Variants in FAF1 observed in about 807,000 individuals in gnomAD.
The protein encoded by FAF1 is FAS-associated factor 1.
Under a neutral mutation model 92.5 loss-of-function variants are expected in FAF1, and 25 were observed. The ratio of observed to expected loss-of-function variants is 0.27; its 90% confidence interval spans 0.20 to 0.38. The LOEUF is 0.38. Among genes scored for constraint, FAF1 ranks in the 10% least tolerant of loss-of-function variants. The probability of loss-of-function intolerance (pLI) is 1.00; values close to 1 mark genes in which losing one functional copy is unlikely to be tolerated. For synonymous variants in FAF1, 234 were observed against 273.2 expected (o/e 0.86, Z 1.42); for missense variants, 636 against 793.3 (o/e 0.80, Z 2.38).
intron 15 of FAF1, among the ~76,000 whole-genome samples, chr1:50,495,256 C>A (rs189845450): frequency 3.9e-5 from 6 of 152,314 alleles, no homozygotes; most frequent in Admixed American, 3.9e-4. Flanking sequence ...TTCCCCCACA[C>A]CCCACTGCCC....
At chr1:50,590,588 A>G (rs1240961071) in intron 9 of FAF1, among the ~76,000 whole-genome samples, 1 of 152,212 alleles carries the variant, frequency 6.6e-6, no homozygotes, top group Non-Finnish European at 1.5e-5. Flanking sequence ...TCCTCAGTGA[A>G]CAGAGATTAT....
intron 2 of FAF1, among the ~76,000 whole-genome samples, chr1:50,830,264 C>T (rs975398303): frequency 2.0e-5 from 3 of 152,106 alleles, no homozygotes; most frequent in Admixed American, 1.3e-4. Context: ...ACTACAGGCA[C>T]GTGCCACCAT....
intron 4 of FAF1, among the ~76,000 whole-genome samples, chr1:50,751,068 G>A (rs1425413856): frequency 7.4e-6 from 1 of 135,048 alleles, no homozygotes; most frequent in Non-Finnish European, 1.5e-5. Context: ...TGGATTATAA[G>A]CTGTTAAACA....
chr1:50,582,663 T>A lies in FAF1; in HGVS notation c.1068A>T (p.Ser356=), dbSNP rs1651045069. The change falls in exon 12 of 19, where the codon TCA becomes TCT. Residue 356 remains serine, a synonymous_variant. Transcript: ENST00000396153. ...GDCHPVFFIG[S]LEAAFQEAFY... ...AGGCCTCTTGAAAAGCAGCTTCTAA[T>A]GAGCCAATAAAAAATACAGGATGGC... 6.2e-7 allele frequency: 1 copy of A among 1,612,756 alleles called. No homozygotes were observed. Among genetic ancestry groups the A allele is most frequent in the Non-Finnish European group, 8.5e-7 (1 of 1,178,910 alleles).
chr1:50,755,462 T>A (rs1660039385), intron 4 of FAF1, among the ~76,000 whole-genome samples: 1 of 152,194 alleles, frequency 6.6e-6, no homozygotes, highest in Non-Finnish European at 1.5e-5. Context: ...ATAGCATACC[T>A]CCTGGCTGCT....
At chr1:50,750,156 T>C (rs1242556019) in intron 4 of FAF1, among the ~76,000 whole-genome samples, 1 of 152,112 alleles carries the variant, frequency 6.6e-6, no homozygotes, top group African/African-American at 2.4e-5. Context: ...ACTCCAAAGA[T>C]CTTACCACAA....
At chr1:50,699,419 G>A (rs573182019) in intron 7 of FAF1, among the ~76,000 whole-genome samples, 82 of 152,038 alleles carry the variant, frequency 5.4e-4, no homozygotes, top group African/African-American at 1.9e-3. Flanking sequence ...AATATTGTTT[G>A]AAAGCATATT....
At chr1:50,446,992 T>TTTTTTTTTTTTTTTTTTTTGAGACGG (rs1318855123) in intron 18 of FAF1, among the ~76,000 whole-genome samples, 1 of 151,688 alleles carries the variant, frequency 6.6e-6, no homozygotes, top group African/African-American at 2.4e-5. Context: ...ATAATTTTCA[T>TTTTTTTTTTTTTTTTTTTTGAGACGG]AGTAACTCCC....
At chr1:50,796,751 G>A (rs1285746019) in intron 3 of FAF1, among the ~76,000 whole-genome samples, 3 of 152,100 alleles carry the variant, frequency 2.0e-5, no homozygotes, top group Non-Finnish European at 2.9e-5. Context: ...ACTCTATCTA[G>A]GTTGTCTCAG....
intron 7 of FAF1, among the ~76,000 whole-genome samples, chr1:50,704,748 T>C (rs1657604739): frequency 6.6e-6 from 1 of 152,178 alleles, no homozygotes; most frequent in Non-Finnish European, 1.5e-5. Context: ...TTAAAGAGTT[T>C]AGTTTCTAGA....
intron 7 of FAF1, among the ~76,000 whole-genome samples, chr1:50,665,916 C>T (rs780941687): frequency 2.0e-5 from 3 of 152,098 alleles, no homozygotes; most frequent in Non-Finnish European, 2.9e-5. Flanking sequence ...GAGGATCACA[C>T]CTGTAATCCC....
intron 2 of FAF1, among the ~76,000 whole-genome samples, chr1:50,853,284 A>C (rs1570054079): frequency 6.6e-6 from 1 of 152,288 alleles, no homozygotes; most frequent in Admixed American, 6.5e-5. Context: ...GAAATTTCTC[A>C]AAGTACCTCA....
chr1:50,500,102 C>T (rs1308731969), intron 15 of FAF1, among the ~76,000 whole-genome samples: 3 of 152,142 alleles, frequency 2.0e-5, no homozygotes, highest in African/African-American at 7.2e-5. Context: ...AAATTATCTA[C>T]AGATTCAACA....
intron 6 of FAF1, among the ~76,000 whole-genome samples, chr1:50,721,462 G>A (rs116081157): frequency 1.5e-3 from 235 of 152,014 alleles, no homozygotes; most frequent in Non-Finnish European, 2.6e-3. Flanking sequence ...ATCCGCCTGC[G>A]TCGGCCTCCC....
intron 1 of FAF1, among the ~76,000 whole-genome samples, chr1:50,939,563 G>A (rs1165910336): frequency 6.6e-6 from 1 of 152,182 alleles, no homozygotes; most frequent in African/African-American, 2.4e-5. Context: ...GTACTATGAT[G>A]AACAGGAGTG....
chr1:50,824,643 C>T (rs971241628), intron 2 of FAF1, among the ~76,000 whole-genome samples: 17 of 152,112 alleles, frequency 1.1e-4, no homozygotes, highest in African/African-American at 3.6e-4. Flanking sequence ...GATAGTTGCA[C>T]TCCTATGTTT....
intron 9 of FAF1, 36 bp downstream of exon 9, chr1:50,596,085 C>A (rs771966040): frequency 4.2e-6 from 6 of 1,428,150 alleles, no homozygotes; most frequent in Non-Finnish European, 5.9e-6. Flanking sequence ...GGGGGATGGG[C>A]CTTCTGTTCA....
chr1:50,490,870 G>A (rs1646831199), intron 16 of FAF1, among the ~76,000 whole-genome samples: 1 of 152,126 alleles, frequency 6.6e-6, no homozygotes, highest in South Asian at 2.1e-4. Flanking sequence ...ACAAAGCATA[G>A]GTCTCTGATA....
chr1:50,753,827 G>A (rs1488956978), intron 4 of FAF1, among the ~76,000 whole-genome samples: 1 of 148,474 alleles, frequency 6.7e-6, no homozygotes, highest in African/African-American at 2.5e-5. Flanking sequence ...GTGCGATCTC[G>A]GCTCACTGCA....
Sources: allele counts gnomAD v4.1 joint callset (sites outside exome capture counted in the v4.1 genomes callset), GRCh38; gene constraint gnomAD v4.1.1; transcripts MANE v1.5; gene names NCBI Gene and HGNC (gene_info 2026-07-23, HGNC 2026-07-21).